OR2AG1: variants seen among roughly 807,000 people sequenced by gnomAD.
OR2AG1 encodes olfactory receptor family 2 subfamily AG member 1.
For missense variants in OR2AG1, 391 were observed against 385.9 expected (o/e 1.01, Z -0.11); for synonymous variants, 157 against 155.6 (o/e 1.01, Z -0.07).
Position 6,785,228 on chromosome 11 carries a change from G to C in OR2AG1, c.191G>C (p.Gly64Ala), listed in dbSNP as rs750986954. ...RLHMPMYLLL[G>A]QLSLMDLLFT... ...CACATGCCCATGTACCTCCTGCTTG[G>C]GCAGCTCTCTCTCATGGACCTCCTG... The change falls in exon 2 of 2, where the codon GGG (glycine) becomes GCG (alanine). Residue 64 changes from glycine to alanine, a missense_variant. By Grantham distance (60) the Gly-to-Ala change is moderately conservative (BLOSUM62 0). Coordinates refer to ENST00000641258, the MANE Select transcript of OR2AG1 (RefSeq NM_001004489.3). 6.2e-7 allele frequency: 1 copy of C among 1,613,998 alleles called. No homozygotes were observed. Among genetic ancestry groups the C allele is most frequent in the Admixed American group, 1.7e-5 (1 of 60,014 alleles).
Position 6,788,203 on chromosome 11 carries a change from T to C in OR2AG1, c.*2215T>C, listed in dbSNP as rs899600235. On this transcript the variant is annotated 3_prime_UTR_variant, in exon 2 of 2. Coordinates refer to ENST00000641258, the MANE Select transcript of OR2AG1 (RefSeq NM_001004489.3). The stretch of plus-strand genomic sequence containing the variant: ...TTTCCAGTGATTTTTACTGTTAGGA[T>C]ATAATTTTCTATTCTCATTGACGTC... 6.6e-6 allele frequency: 1 copy of C among 152,176 alleles called. No individual in the cohort carries two copies. The highest frequency in any genetic ancestry group is 1.5e-5 in the Non-Finnish European group (1 of 68,018). 9.4% of individuals were successfully genotyped at this position (152,176 alleles called of 1,614,324 possible). A position where few individuals can be genotyped will look rare whatever the true frequency, so the allele number is the denominator to read the frequency against.
intron 1 of OR2AG1, among the ~76,000 whole-genome samples, chr11:6,783,910 T>C (rs1057254318): frequency 1.3e-4 from 20 of 152,222 alleles, no homozygotes; most frequent in African/African-American, 4.8e-4. Context: ...AAAACATAGA[T>C]GCCATATATG....
chr11:6,789,564 T>C lies in OR2AG1; in HGVS notation c.*3576T>C, dbSNP rs1847666421. ...TACACAGGAGGCTGAGGCAGGAGAA[T>C]CGCTTGAACCTGGGAGGAGGAGGTT... On this transcript the variant is annotated 3_prime_UTR_variant, in exon 2 of 2. Transcript: ENST00000641258. 1 of 152,714 alleles carries C rather than the reference T, an allele frequency of 6.5e-6. No individual in the cohort carries two copies. Among genetic ancestry groups the C allele is most frequent in the Admixed American group, 6.6e-5 (1 of 15,258 alleles). 9.5% of individuals were successfully genotyped at this position (152,714 alleles called of 1,614,324 possible). A position where few individuals can be genotyped will look rare whatever the true frequency, so the allele number is the denominator to read the frequency against.
chr11:6,785,484 G>C lies in OR2AG1; in HGVS notation c.447G>C (p.Trp149Cys). The C allele has an allele frequency of 6.2e-7, 1 of 1,614,090 alleles. No individual in the cohort carries two copies. The highest frequency in any genetic ancestry group is 8.5e-7 in the Non-Finnish European group (1 of 1,180,002). Residue 149 changes from tryptophan (W) to cysteine (C), a missense_variant, in exon 2 of 2, where the codon TGG (tryptophan) becomes TGC (cysteine). Physicochemically the swap from Trp to Cys is radical, Grantham distance 215. Coordinates refer to ENST00000641258, the MANE Select transcript of OR2AG1 (RefSeq NM_001004489.3). ...RACWLMVATS[W>C]ILASLSALIY... The stretch of plus-strand genomic sequence containing the variant: ...GCTGGCTCATGGTGGCCACGTCCTG[G>C]ATCCTGGCATCCCTAAGTGCCCTAA...
chr11:6,785,553 G>T lies in OR2AG1; in HGVS notation c.516G>T (p.Gln172His), dbSNP rs866331882. 4.3e-6 allele frequency: 7 copies of T among 1,614,054 alleles called. No individual in the cohort carries two copies. The African/African-American group carries it at 6.7e-5, about 15-fold the overall frequency. The change falls in exon 2 of 2, where the codon CAG becomes CAT. Residue 172 changes from glutamine to histidine, a missense_variant. Transcript: ENST00000641258. ...YTMHYPFCRA[Q>H]EIRHLLCEIP... ...TGCACTATCCCTTCTGCAGGGCCCA[G>T]GAGATCAGGCATCTTCTCTGTGAGA...
rs760579377 is a variant in OR2AG1 at position 6,785,713 on chromosome 11, C to A, written c.676C>A (p.Leu226Ile). Residue 226 changes from leucine to isoleucine, a missense_variant, in exon 2 of 2, where the codon CTC becomes ATC. By Grantham distance (5) the Leu-to-Ile change is conservative. Transcript: ENST00000641258. ...ASYTQILLTV[L>I]HMPSNEGRKK... ...CTATACACAAATTCTACTCACTGTGCTCCATATGCCATCAAATGAGGGGAG... is the reference window on the plus strand; with the variant it reads ...CTATACACAAATTCTACTCACTGTGATCCATATGCCATCAAATGAGGGGAG... 1.2e-6 allele frequency: 2 copies of A among 1,614,170 alleles called. No homozygotes were observed. Among genetic ancestry groups the A allele is most frequent in the East Asian group, 2.2e-5 (1 of 44,884 alleles).
chr11:6,789,188 C>G lies in OR2AG1; in HGVS notation c.*3200C>G, dbSNP rs1847662708. On this transcript the variant is annotated 3_prime_UTR_variant, in exon 2 of 2. Coordinates refer to ENST00000641258, the MANE Select transcript of OR2AG1 (RefSeq NM_001004489.3). ...TAAATAAAATGTCTACCTCCATATT[C>G]TCCTTCATCAACCTTTCAGCAACAT... 6.6e-6 allele frequency: 1 copy of G among 152,144 alleles called. No individual in the cohort carries two copies. Among genetic ancestry groups the G allele is most frequent in the Non-Finnish European group, 1.5e-5 (1 of 68,034 alleles). 9.4% of individuals were successfully genotyped at this position (152,144 alleles called of 1,614,324 possible).
In OR2AG1 at chr11:6,785,532, C is replaced by T. The variant is rs879012022; in HGVS notation, c.495C>T (p.His165=). The change falls in exon 2 of 2, where the codon CAC becomes CAT. Residue 165 remains histidine, a synonymous_variant. Transcript: ENST00000641258. ...SALIYTVYTM[H]YPFCRAQEIR... ...TAATATATACCGTGTATACCATGCA[C>T]TATCCCTTCTGCAGGGCCCAGGAGA... 1.9e-6 allele frequency: 3 copies of T among 1,614,162 alleles called. No homozygotes were observed. The highest frequency in any genetic ancestry group is 1.7e-5 in the Admixed American group (1 of 60,024).
In OR2AG1 at chr11:6,784,213, A is replaced by G. The variant is rs114066264; in HGVS notation, c.-21+742A>G. Among the ~76,000 whole-genome samples, 561 of 152,292 alleles carry G rather than the reference A, an allele frequency of 3.7e-3. 5 individuals are homozygous for G. The highest frequency in any genetic ancestry group is 0.014 in the Middle Eastern group (4 of 294). ...AGAGGGGATAGAATTATTGAGCATA[A>G]TTACAGCATATAATAGATGCTCTCT... On this transcript the variant is annotated intron_variant, in intron 1 of 1. Transcript: ENST00000641258.
rs929443322 is a variant in OR2AG1 at position 6,789,244 on chromosome 11, A to T, written c.*3256A>T. The T allele has an allele frequency of 6.6e-6, 1 of 152,172 alleles. No individual in the cohort carries two copies. Among genetic ancestry groups the T allele is most frequent in the African/African-American group, 2.4e-5 (1 of 41,438 alleles). 9.4% of individuals were successfully genotyped at this position (152,172 alleles called of 1,614,324 possible). ...TAATTGACCTCACCCTTCTGTTGGG[A>T]AATTTTTCTTCTTTTGGCTTCCAGA... is the stretch of plus-strand genomic sequence containing the variant. On this transcript the variant is annotated 3_prime_UTR_variant, in exon 2 of 2. Transcript: ENST00000641258.
chr11:6,789,965 G>C lies in OR2AG1; in HGVS notation c.*3977G>C, dbSNP rs1012722371. On this transcript the variant is annotated 3_prime_UTR_variant, in exon 2 of 2. Coordinates refer to ENST00000641258, the MANE Select transcript of OR2AG1 (RefSeq NM_001004489.3). ...TTGCACTCCATGTTTATTGCAGCAT[G>C]ATTCACAATAGACAAAATATTGGAA... 2 of 152,182 alleles carry C rather than the reference G, an allele frequency of 1.3e-5. No homozygotes were observed. The highest frequency in any genetic ancestry group is 2.9e-5 in the Non-Finnish European group (2 of 68,036). 9.4% of individuals were successfully genotyped at this position (152,182 alleles called of 1,614,324 possible). A position where few individuals can be genotyped will look rare whatever the true frequency, so the allele number is the denominator to read the frequency against.
rs559510432 is a variant in OR2AG1, at chr11:6,784,650, G to T, written c.-20-368G>T. On this transcript the variant is annotated intron_variant, in intron 1 of 1. Coordinates refer to ENST00000641258, the MANE Select transcript of OR2AG1 (RefSeq NM_001004489.3). ...TGTTTGGAATTTCATATCAAAACAA[G>T]TCTATGAAGAAAACTAACTGGATAG... 2.6e-5 allele frequency among the ~76,000 whole-genome samples: 4 copies of T among 152,318 alleles called. No homozygotes were observed. In the South Asian group the frequency reaches 8.3e-4, roughly 32 times the overall value.
Position 6,785,530 on chromosome 11 carries a change from C to T in OR2AG1, c.493C>T (p.His165Tyr), listed in dbSNP as rs1447657536. ...CCTAATATATACCGTGTATACCATG[C>T]ACTATCCCTTCTGCAGGGCCCAGGA... ...SALIYTVYTM[H>Y]YPFCRAQEIR... The change falls in exon 2 of 2, where the codon CAC (histidine) becomes TAC (tyrosine). Residue 165 changes from histidine (H) to tyrosine (Y), a missense_variant. Physicochemically the swap from His to Tyr is moderately conservative, Grantham distance 83. Transcript: ENST00000641258. 2 of 1,614,148 alleles carry T rather than the reference C, an allele frequency of 1.2e-6. No individual in the cohort carries two copies. Among genetic ancestry groups the T allele is most frequent in the Admixed American group, 3.3e-5 (2 of 60,024 alleles).
chr11:6,784,986 C>A (rs1448891402), intron 1 of OR2AG1, 32 bp from the exon 2 acceptor site: 2 of 1,217,290 alleles, frequency 1.6e-6, no homozygotes, highest in Non-Finnish European at 2.3e-6. Flanking sequence ...TTCATCTTAG[C>A]AAAAATTCAT....
At chr11:6,784,884 A>T in intron 1 of OR2AG1, 134 bp from the exon 2 acceptor site, 2 of 552,578 alleles carry the variant, frequency 3.6e-6, no homozygotes, top group South Asian at 6.1e-5. Context: ...TCAGACATTC[A>T]GAAATCGAGA....
At position 6,786,133 on chromosome 11, in the gene OR2AG1, A is replaced by C; in HGVS notation, c.*145A>C. 1 of 637,542 alleles carries C rather than the reference A, an allele frequency of 1.6e-6. No individual in the cohort carries two copies. The highest frequency in any genetic ancestry group is 2.6e-6 in the Non-Finnish European group (1 of 380,010). The allele number at this position is 637,542 out of a possible 1,614,324, so 39.5% of individuals were successfully genotyped here. On this transcript the variant is annotated 3_prime_UTR_variant, in exon 2 of 2. Coordinates refer to ENST00000641258, the MANE Select transcript of OR2AG1 (RefSeq NM_001004489.3). ...GAAGGAATGTAACTGGATTTGTCAAATGCTCTTTAAATCTTCTCTCCATGA... is the reference window on the plus strand; with the variant it reads ...GAAGGAATGTAACTGGATTTGTCAACTGCTCTTTAAATCTTCTCTCCATGA...
In OR2AG1 at chr11:6,789,158, T is replaced by C. The variant is rs1312775582; in HGVS notation, c.*3170T>C. 6.6e-6 allele frequency: 1 copy of C among 152,124 alleles called. No homozygotes were observed. The allele number at this position is 152,124 out of a possible 1,614,324, so 9.4% of individuals were successfully genotyped here. ...TGTTCTTTGTGAAAATTATCATTAATGTGCTAAATAAAATGTCTACCTCCA... is the reference window on the plus strand; with the variant it reads ...TGTTCTTTGTGAAAATTATCATTAACGTGCTAAATAAAATGTCTACCTCCA... On this transcript the variant is annotated 3_prime_UTR_variant, in exon 2 of 2. Transcript: ENST00000641258.
Position 6,785,988 on chromosome 11 carries a change from G to A in OR2AG1, c.951G>A (p.Ter317=). 1.9e-6 allele frequency: 3 copies of A among 1,602,348 alleles called. No homozygotes were observed. The highest frequency in any genetic ancestry group is 2.6e-6 in the Non-Finnish European group (3 of 1,173,484). ...TGCTGCCAGCACACTCCACGCTCTA[G>A]GGAAGGATCATGGCTAGCTTCCAGA... ...KYMLPAHSTL[*] The change falls in exon 2 of 2, where the codon TAG becomes TAA. Residue 317 remains the stop codon, a stop_retained_variant. Coordinates refer to ENST00000641258, the MANE Select transcript of OR2AG1 (RefSeq NM_001004489.3).
At position 6,788,923 on chromosome 11, in the gene OR2AG1, T is replaced by C. The variant is rs1391318153; in HGVS notation, c.*2935T>C. 1.4e-5 allele frequency: 2 copies of C among 146,998 alleles called. No homozygotes were observed. The highest frequency in any genetic ancestry group is 6.8e-5 in the Admixed American group (1 of 14,724). 9.1% of individuals were successfully genotyped at this position (146,998 alleles called of 1,614,324 possible). The stretch of plus-strand genomic sequence containing the variant: ...TTCTGTCACAAAATAAATAAATAAA[T>C]AAATAAATAAATAAATAAATAAATA... On this transcript the variant is annotated 3_prime_UTR_variant, in exon 2 of 2. Coordinates refer to ENST00000641258, the MANE Select transcript of OR2AG1 (RefSeq NM_001004489.3).
Sources: gnomAD v4.1 joint callset for allele counts (sites outside exome capture counted in the v4.1 genomes callset) on GRCh38, gnomAD v4.1.1 for gene constraint, MANE v1.5 for transcripts, NCBI Gene and HGNC (gene_info 2026-07-23, HGNC 2026-07-21) for gene names.